THSD7B: variants seen among roughly 807,000 people sequenced by gnomAD.
THSD7B encodes the protein thrombospondin type 1 domain containing 7B.
THSD7B carries 138 observed loss-of-function variants against 213.6 expected under a neutral mutation model. The ratio of observed to expected loss-of-function variants is 0.65; its 90% CI spans 0.56 to 0.74. The LOEUF is 0.74. Among genes scored for constraint, THSD7B ranks in the 30% least tolerant of loss-of-function variants. The pLI, the probability that THSD7B is intolerant of heterozygous loss-of-function variation, is 0.00. For synonymous variants in THSD7B, 742 were observed against 687.0 expected (o/e 1.08, Z -1.25); for missense variants, 1,931 against 1,991.5 (o/e 0.97, Z 0.58).
intron 2 of THSD7B, among the ~76,000 whole-genome samples, chr2:136,952,004 G>A (rs1035211180): frequency 6.6e-6 from 1 of 152,082 alleles, no homozygotes; most frequent in Non-Finnish European, 1.5e-5. Flanking sequence ...TGAGTAGCTG[G>A]AACTACAGGC....
In THSD7B at chr2:136,938,230, G is replaced by T. The variant is rs117407364; in HGVS notation, c.139+55913G>T. On this transcript the variant is annotated intron_variant, in intron 2 of 27. Transcript: ENST00000409968. Reference sequence around the variant, plus strand: ...CCATCCTTTCTAAACAGCAGATTGTGAGATTTTAAGGGGAGTCAAGTTTGA... The same window carrying T: ...CCATCCTTTCTAAACAGCAGATTGTTAGATTTTAAGGGGAGTCAAGTTTGA... Among the ~76,000 whole-genome samples, 266 of 152,262 alleles carry T rather than the reference G, an allele frequency of 1.7e-3. 4 individuals are homozygous for T. The East Asian group carries it at 0.046, about 26-fold the overall frequency.
chr2:137,568,558 G>A (rs1379230228), intron 16 of THSD7B, among the ~76,000 whole-genome samples: 2 of 152,170 alleles, frequency 1.3e-5, no homozygotes, highest in Non-Finnish European at 2.9e-5. Flanking sequence ...TTGACTCACA[G>A]TTCCACATGG....
chr2:137,395,083 A>G (rs183080101), intron 12 of THSD7B, among the ~76,000 whole-genome samples: 1,535 of 141,942 alleles, frequency 0.011, 92 homozygotes, highest in Non-Finnish European at 0.016. Flanking sequence ...GGGGTTTTCT[A>G]GATATAAAAT....
At chr2:137,532,404 G>A (rs185103254) in intron 15 of THSD7B, among the ~76,000 whole-genome samples, 189 of 151,744 alleles carry the variant, frequency 1.2e-3, no homozygotes, top group African/African-American at 3.8e-3. Context: ...ACTTTAGATT[G>A]AGAAAAAAAG....
At chr2:136,769,897 G>A (rs1425843185) in intron 1 of THSD7B, among the ~76,000 whole-genome samples, 2 of 152,204 alleles carry the variant, frequency 1.3e-5, no homozygotes, top group African/African-American at 2.4e-5. Context: ...CATGATGCTC[G>A]CTTTTGATTT....
At chr2:136,983,370 C>CACACACACA (rs763445594) in intron 2 of THSD7B, among the ~76,000 whole-genome samples, 56,832 of 143,566 alleles carry the variant, frequency 0.4, 14,305 homozygotes, top group Non-Finnish European at 0.54. Context: ...CACACACACA[C>CACACACACA]GCACACACAC....
At chr2:137,236,731 G>A (rs1227261598) in intron 9 of THSD7B, among the ~76,000 whole-genome samples, 1 of 152,096 alleles carries the variant, frequency 6.6e-6, no homozygotes, top group African/African-American at 2.4e-5. Flanking sequence ...TCAGTTCCTG[G>A]GTCAGATGAC....
chr2:136,927,867 C>T (rs1325081007), intron 2 of THSD7B, among the ~76,000 whole-genome samples: 3 of 152,188 alleles, frequency 2.0e-5, no homozygotes, highest in African/African-American at 7.2e-5. Flanking sequence ...AACGGAGGGT[C>T]AGCAAGTTAA....
At chr2:137,130,749 G>A (rs1237902268) in intron 5 of THSD7B, among the ~76,000 whole-genome samples, 2 of 143,440 alleles carry the variant, frequency 1.4e-5, no homozygotes, top group Non-Finnish European at 3.1e-5. Flanking sequence ...TGGTGTATAT[G>A]TGCCCCATTT....
intron 10 of THSD7B, among the ~76,000 whole-genome samples, chr2:137,243,329 A>G (rs1330397942): frequency 6.6e-6 from 1 of 152,184 alleles, no homozygotes; most frequent in Non-Finnish European, 1.5e-5. Context: ...TCCTAGTCTC[A>G]TACACTAGCC....
chr2:137,168,906 C>T (rs1432490904), intron 6 of THSD7B, among the ~76,000 whole-genome samples: 1 of 152,242 alleles, frequency 6.6e-6, no homozygotes, highest in Non-Finnish European at 1.5e-5. Context: ...GCCGTGTATG[C>T]ATCTCCTTTC....
At chr2:136,959,163 A>G (rs567768205) in intron 2 of THSD7B, among the ~76,000 whole-genome samples, 12 of 152,290 alleles carry the variant, frequency 7.9e-5, no homozygotes, top group African/African-American at 2.6e-4. Context: ...TCAGGCCAGC[A>G]GCTATTTTGA....
At chr2:136,965,766 C>T (rs1422268118) in intron 2 of THSD7B, among the ~76,000 whole-genome samples, 3 of 152,062 alleles carry the variant, frequency 2.0e-5, no homozygotes, top group African/African-American at 7.2e-5. Context: ...TTCTTTTCCT[C>T]CTACCTCCAA....
chr2:137,237,898 C>T (rs1384556604), intron 9 of THSD7B, among the ~76,000 whole-genome samples: 1 of 152,152 alleles, frequency 6.6e-6, no homozygotes, highest in African/African-American at 2.4e-5. Flanking sequence ...TGGCCCTTAT[C>T]AAACCAAAAA....
chr2:137,519,671 TAGA>T (rs1488898879), intron 15 of THSD7B, among the ~76,000 whole-genome samples: 4 of 152,166 alleles, frequency 2.6e-5, no homozygotes, highest in African/African-American at 9.7e-5. Context: ...AAGGTGAATA[TAGA>T]AGGACAAGTC....
At chr2:137,222,284 A>G (rs1681387968) in intron 7 of THSD7B, among the ~76,000 whole-genome samples, 1 of 152,170 alleles carries the variant, frequency 6.6e-6, no homozygotes, top group Non-Finnish European at 1.5e-5. Context: ...ATAATTTTCC[A>G]GCGTCACATT....
intron 15 of THSD7B, among the ~76,000 whole-genome samples, chr2:137,517,956 G>T (rs1420294271): frequency 6.6e-6 from 1 of 152,204 alleles, no homozygotes; most frequent in Non-Finnish European, 1.5e-5. Context: ...TGCCTATCAT[G>T]AACTGGGCGC....
chr2:136,805,276 C>A (rs1278232188), intron 1 of THSD7B, among the ~76,000 whole-genome samples: 3 of 152,128 alleles, frequency 2.0e-5, no homozygotes, highest in South Asian at 4.1e-4. Context: ...GTTGGAGTAG[C>A]CACCTGTGTT....
intron 15 of THSD7B, among the ~76,000 whole-genome samples, chr2:137,477,682 T>C (rs1688221210): frequency 6.6e-6 from 1 of 152,130 alleles, no homozygotes; most frequent in Non-Finnish European, 1.5e-5. Context: ...TTCTCATTTG[T>C]GTATTCGCTA....
Sources: gnomAD v4.1 joint callset for allele counts (sites outside exome capture counted in the v4.1 genomes callset) on GRCh38, gnomAD v4.1.1 for gene constraint, MANE v1.5 for transcripts, NCBI Gene and HGNC (gene_info 2026-07-23, HGNC 2026-07-21) for gene names.